Variants in SAMMSON observed in about 807,000 individuals in gnomAD.
The protein encoded by SAMMSON is survival associated mitochondrial melanoma specific oncogenic non-coding RNA.
At chr3:70,220,863 GTCTTTCCCACCA>G (rs1430840538) in intron 4 of SAMMSON, among the ~76,000 whole-genome samples, 4 of 152,156 alleles carry the variant, frequency 2.6e-5, no homozygotes, top group African/African-American at 7.2e-5. Context: ...TTGTAAGTGT[GTCTTTCCCACCA>G]TCAGGGAGGG....
intron 4 of SAMMSON, among the ~76,000 whole-genome samples, chr3:70,152,779 G>C (rs1289920443): frequency 6.6e-6 from 1 of 152,038 alleles, no homozygotes; most frequent in Non-Finnish European, 1.5e-5. Context: ...AGAAGGTATT[G>C]CTTCATGTTT....
chr3:70,368,284 G>A (rs913519964), intron 9 of SAMMSON, among the ~76,000 whole-genome samples: 4 of 151,328 alleles, frequency 2.6e-5, no homozygotes, highest in African/African-American at 9.7e-5. Context: ...ATTTGTGAAG[G>A]TTTTTAATGA....
chr3:70,393,852 T>C (rs1475068124), downstream of SAMMSON, among the ~76,000 whole-genome samples: 23 of 152,040 alleles, frequency 1.5e-4, no homozygotes, highest in Admixed American at 1.1e-3. Flanking sequence ...TGCTGAAGAG[T>C]TGGACTTCTT....
At chr3:70,022,315 C>G (rs2067017083) in intron 3 of SAMMSON, among the ~76,000 whole-genome samples, 1 of 147,842 alleles carries the variant, frequency 6.8e-6, no homozygotes, top group African/African-American at 2.5e-5. Context: ...GGAGATATAC[C>G]TAATGCTAAA....
At chr3:70,404,252 G>A (rs1701162777) in intron 2 of SAMMSON, among the ~76,000 whole-genome samples, 3 of 151,766 alleles carry the variant, frequency 2.0e-5, no homozygotes, top group Non-Finnish European at 4.4e-5. Flanking sequence ...ATTCTTTTTG[G>A]GGGATTAGTT....
At chr3:70,110,305 A>T (rs546708964) in intron 4 of SAMMSON, among the ~76,000 whole-genome samples, 3 of 152,266 alleles carry the variant, frequency 2.0e-5, no homozygotes, top group South Asian at 4.1e-4. Context: ...ATTGTCCTAG[A>T]GCTCAGAGTA....
chr3:70,082,393 G>C (rs191846424), intron 4 of SAMMSON, among the ~76,000 whole-genome samples: 2 of 152,340 alleles, frequency 1.3e-5, no homozygotes, highest in Non-Finnish European at 2.9e-5. Context: ...GTTCGGGGCA[G>C]TGTGTGTGAG....
At chr3:70,376,927 T>A (rs892207482) in intron 9 of SAMMSON, among the ~76,000 whole-genome samples, 3 of 152,160 alleles carry the variant, frequency 2.0e-5, no homozygotes, top group Non-Finnish European at 4.4e-5. Flanking sequence ...TCATTAAAAA[T>A]CCTCACAAAT....
intron 4 of SAMMSON, among the ~76,000 whole-genome samples, chr3:70,079,859 C>T (rs1378458345): frequency 6.6e-6 from 1 of 152,178 alleles, no homozygotes; most frequent in East Asian, 1.9e-4. Context: ...CATCAGTGCA[C>T]CAAGCCCCCA....
At chr3:70,360,061 G>C (rs1311100634) in intron 9 of SAMMSON, among the ~76,000 whole-genome samples, 1 of 152,090 alleles carries the variant, frequency 6.6e-6, no homozygotes, top group Non-Finnish European at 1.5e-5. Context: ...GCTGATCAAA[G>C]TCTAACCCTT....
At chr3:70,384,234 T>C (rs1479928994) in intron 9 of SAMMSON, among the ~76,000 whole-genome samples, 1 of 152,022 alleles carries the variant, frequency 6.6e-6, no homozygotes, top group African/African-American at 2.4e-5. Context: ...ATATGCATGA[T>C]GAAAAATTTT....
intron 4 of SAMMSON, among the ~76,000 whole-genome samples, chr3:70,170,780 A>T (rs906770309): frequency 6.6e-6 from 1 of 151,886 alleles, no homozygotes; most frequent in South Asian, 2.1e-4. Flanking sequence ...TCCAAATAGA[A>T]GGGAAAATCA....
intron 4 of SAMMSON, among the ~76,000 whole-genome samples, chr3:70,232,012 C>T (rs529366577): frequency 1.3e-5 from 2 of 152,146 alleles, no homozygotes; most frequent in African/African-American, 4.8e-5. Flanking sequence ...CCCTTCTTCC[C>T]CTTAGCCATT....
chr3:70,097,726 G>A (rs527707396), intron 4 of SAMMSON, among the ~76,000 whole-genome samples: 1 of 152,118 alleles, frequency 6.6e-6, no homozygotes, highest in East Asian at 1.9e-4. Flanking sequence ...CATATTCATT[G>A]TGAACCAGTG....
intron 9 of SAMMSON, among the ~76,000 whole-genome samples, chr3:70,365,560 A>G (rs1339496612): frequency 2.0e-5 from 3 of 151,306 alleles, no homozygotes; most frequent in African/African-American, 7.3e-5. Flanking sequence ...AAACCTGACT[A>G]CTCCTATTTG....
At chr3:70,182,907 G>C (rs1159049933) in intron 4 of SAMMSON, among the ~76,000 whole-genome samples, 5 of 76,658 alleles carry the variant, frequency 6.5e-5, no homozygotes, top group African/African-American at 1.4e-4. Context: ...ATGACTAATT[G>C]GATTTTTTTT....
At chr3:70,170,579 C>CTTTTTTTT (rs538385626) in intron 4 of SAMMSON, among the ~76,000 whole-genome samples, 413 of 105,462 alleles carry the variant, frequency 3.9e-3, no homozygotes, top group Middle Eastern at 0.024. Context: ...CTAGATTTTC[C>CTTTTTTTT]TTTTTTTTTT....
At chr3:70,052,211 C>T (rs1285453050) in intron 3 of SAMMSON, among the ~76,000 whole-genome samples, 1 of 152,006 alleles carries the variant, frequency 6.6e-6, no homozygotes, top group Non-Finnish European at 1.5e-5. Flanking sequence ...AAGTATTACC[C>T]ACAAGAATAT....
intron 3 of SAMMSON, among the ~76,000 whole-genome samples, chr3:70,052,656 A>G (rs2067150881): frequency 6.6e-6 from 1 of 152,130 alleles, no homozygotes; most frequent in South Asian, 2.1e-4. Flanking sequence ...GTTTAAATCA[A>G]GGTTTCTCAG....
Sources: gnomAD v4.1 joint callset for allele counts (sites outside exome capture counted in the v4.1 genomes callset) on GRCh38, gnomAD v4.1.1 for gene constraint, MANE v1.5 for transcripts, NCBI Gene and HGNC (gene_info 2026-07-23, HGNC 2026-07-21) for gene names.